The following ZNF862 variants were observed in gnomAD, a reference collection of about 807,000 sequenced individuals.
The protein encoded by ZNF862 is zinc finger protein 862.
Under a neutral mutation model 91.1 loss-of-function variants are expected in ZNF862, and 64 were observed. That is an observed-to-expected ratio of 0.70 (90% CI 0.57 to 0.87). The LOEUF is 0.87. Among genes scored for constraint, ZNF862 ranks in the 40% least tolerant of loss-of-function variants. The pLI is 0.00. For synonymous variants in ZNF862, 631 were observed against 618.1 expected (o/e 1.02, Z -0.31); for missense variants, 1,459 against 1,528.0 (o/e 0.95, Z 0.75).
At chr7:149,852,337 T>TTGTGTGTGTGTGTGTG (rs10674865) in intron 5 of ZNF862, among the ~76,000 whole-genome samples, 3 of 140,408 alleles carry the variant, frequency 2.1e-5, no homozygotes, top group African/African-American at 8.1e-5. Context: ...GAACTCAGTT[T>TTGTGTGTGTGTGTGTG]TGTGTGTGTG....
intron 1 of ZNF862, chr7:149,841,057 C>T: frequency 3.0e-6 from 3 of 985,364 alleles, no homozygotes; most frequent in Non-Finnish European, 3.6e-6. Flanking sequence ...TCACCCTTCC[C>T]AAAGATAGTT....
At chr7:149,847,362 C>T (rs1388777646) in intron 3 of ZNF862, among the ~76,000 whole-genome samples, 1 of 152,074 alleles carries the variant, frequency 6.6e-6, no homozygotes, top group Non-Finnish European at 1.5e-5. Context: ...TTTTTTAAAT[C>T]CTATATTCTA....
At position 149,838,591 on chromosome 7, in the gene ZNF862, C is replaced by T. The variant is rs773026458; in HGVS notation, c.-21C>T. 59 of 1,219,548 alleles carry T rather than the reference C, an allele frequency of 4.8e-5. No homozygotes were observed. The highest frequency in any genetic ancestry group is 2.1e-4 in the Admixed American group (5 of 23,694). 75.5% of individuals were successfully genotyped at this position (1,219,548 alleles called of 1,614,324 possible). On this transcript the variant is annotated 5_prime_UTR_variant, in exon 1 of 8. The change creates a new upstream start codon in the 5' untranslated region. Transcript: ENST00000223210. ...CAGGCCGCGGGGGGAGGGGGCGGCA[C>T]GGGCCTCCGAAAGCGGGGCCATGGA...
Position 149,843,947 on chromosome 7 carries a change from TC to T in ZNF862, c.25-677del, listed in dbSNP as rs1184794628. 1.4e-4 allele frequency among the ~76,000 whole-genome samples: 21 copies of T among 152,224 alleles called. 1 individual carries two copies. Among genetic ancestry groups the T allele is most frequent in the Non-Finnish European group, 4.4e-5 (3 of 68,040 alleles). On this transcript the variant is annotated intron_variant, in intron 1 of 7. Coordinates refer to ENST00000223210, the MANE Select transcript of ZNF862 (RefSeq NM_001099220.3). ...TGAAGTGACTGCTTTTGCATCTGCTTCTTGGTTTTCAAGAGTGTATTGCTGT... is the reference window on the plus strand; with the variant it reads ...TGAAGTGACTGCTTTTGCATCTGCTTTTGGTTTTCAAGAGTGTATTGCTGT...
chr7:149,859,571 C>T (rs749881581), intron 6 of ZNF862, 45 bp downstream of exon 6: 4 of 1,474,926 alleles, frequency 2.7e-6, no homozygotes, highest in Non-Finnish European at 3.7e-6. Context: ...TGCCAGGGCC[C>T]AGGCGGCTAT....
intron 1 of ZNF862, chr7:149,841,289 G>C: frequency 1.0e-6 from 1 of 985,326 alleles, no homozygotes; most frequent in Non-Finnish European, 1.2e-6. Context: ...CTGTTTTGTG[G>C]TCTTTATTAA....
rs1274874112 is a variant in ZNF862, at chr7:149,867,120, T to C, written c.*2836T>C. 1.3e-5 allele frequency: 2 copies of C among 152,158 alleles called. No homozygotes were observed. Among genetic ancestry groups the C allele is most frequent in the African/African-American group, 4.8e-5 (2 of 41,402 alleles). 9.4% of individuals were successfully genotyped at this position (152,158 alleles called of 1,614,324 possible). A position where few individuals can be genotyped will look rare whatever the true frequency, so the allele number is the denominator to read the frequency against. On this transcript the variant is annotated 3_prime_UTR_variant, in exon 8 of 8. Coordinates refer to ENST00000223210, the MANE Select transcript of ZNF862 (RefSeq NM_001099220.3). ...TCCCTGATGACTGATACCCACCGGG[T>C]CTGACATTCCAAGTAACCAGTATGT... is the stretch of plus-strand genomic sequence containing the variant.
At chr7:149,847,168 A>G (rs567738925) in intron 3 of ZNF862, among the ~76,000 whole-genome samples, 38 of 152,320 alleles carry the variant, frequency 2.5e-4, no homozygotes, top group Non-Finnish European at 4.9e-4. Flanking sequence ...TCGAAGGTTT[A>G]TGTTATAAGA....
chr7:149,862,982 G>A (rs1367691442), intron 7 of ZNF862, among the ~76,000 whole-genome samples: 3 of 152,216 alleles, frequency 2.0e-5, no homozygotes, highest in Admixed American at 6.5e-5. Context: ...ACTCTGGACC[G>A]TGCAGGAATT....
rs926953703 is a variant in ZNF862 at position 149,855,195 on chromosome 7, T to A, written c.1118-4227T>A. On this transcript the variant is annotated intron_variant, in intron 5 of 7. Transcript: ENST00000223210. The surrounding 1 kb of genome is among the most constrained non-coding windows in gnomAD (Gnocchi z 4.1). ...GAGCGTGCCTGTGAGCTCACAAGCA[T>A]GCTGGAACACATGGGGCAGAATGTC... Among the ~76,000 whole-genome samples, 1 of 152,240 alleles carries A rather than the reference T, an allele frequency of 6.6e-6. No individual in the cohort carries two copies. The highest frequency in any genetic ancestry group is 1.5e-5 in the Non-Finnish European group (1 of 68,040).
chr7:149,840,926 A>G, intron 1 of ZNF862: 1 of 985,352 alleles, frequency 1.0e-6, no homozygotes, highest in Non-Finnish European at 1.2e-6. Flanking sequence ...CTGTACAAAC[A>G]TTTTGGGAGG....
At chr7:149,863,668 G>C (rs1802602422) in intron 7 of ZNF862, among the ~76,000 whole-genome samples, 1 of 152,192 alleles carries the variant, frequency 6.6e-6, no homozygotes, top group African/African-American at 2.4e-5. Context: ...AGCACAGATT[G>C]GTCCAAACAC....
rs371553918 is a variant in ZNF862 at position 149,862,241 on chromosome 7, C to T, written c.3081C>T (p.Ala1027=). 1.8e-5 allele frequency: 29 copies of T among 1,613,640 alleles called. No individual in the cohort carries two copies. The highest frequency in any genetic ancestry group is 5.5e-5 in the South Asian group (5 of 91,086). ...CRFPLLSKLM[A]VVVCVPISTS... is the part of the protein sequence containing the mutation. ...TCCCCCTGCTAAGCAAGCTCATGGCCGTGGTGGTCTGTGTGCCCATCTCCA... is the reference window on the plus strand; with the variant it reads ...TCCCCCTGCTAAGCAAGCTCATGGCTGTGGTGGTCTGTGTGCCCATCTCCA... The change falls in exon 7 of 8, where the codon GCC becomes GCT. Residue 1027 remains alanine, a synonymous_variant. Transcript: ENST00000223210.
At position 149,847,753 on chromosome 7, in the gene ZNF862, A is replaced by C. The variant is rs1231510460; in HGVS notation, c.260A>C (p.Tyr87Ser). ...EHHPGKKQMG[Y>S]MGEMEVQGPT... The stretch of plus-strand genomic sequence containing the variant: ...TCTAAAGGAAAAAAACAGATGGGCT[A>C]CATGGGAGAAATGGAGGTGCAAGGT... The change falls in exon 4 of 8, where the codon TAC becomes TCC. Residue 87 changes from tyrosine to serine, a missense_variant. Tyr to Ser is a moderately radical substitution (Grantham distance 144, BLOSUM62 -2). Transcript: ENST00000223210. The C allele has an allele frequency of 6.2e-7, 1 of 1,613,010 alleles. No homozygotes were observed. Among genetic ancestry groups the C allele is most frequent in the South Asian group, 1.1e-5 (1 of 90,952 alleles).
chr7:149,847,140 A>G (rs956271165), intron 3 of ZNF862, among the ~76,000 whole-genome samples: 1 of 152,260 alleles, frequency 6.6e-6, no homozygotes, highest in African/African-American at 2.4e-5. Context: ...ATGTGAGGTC[A>G]TGAGAGTCCT....
Position 149,860,571 on chromosome 7 carries a change from G to C in ZNF862, c.1411G>C (p.Gly471Arg). The C allele has an allele frequency of 1.2e-6, 2 of 1,613,980 alleles. No individual in the cohort carries two copies. Among genetic ancestry groups the C allele is most frequent in the Non-Finnish European group, 1.7e-6 (2 of 1,179,890 alleles). ...CCGTTCCATTCAGAGGTCATGGTTT[G>C]GGCAGTTCCCATGGTTAGTAATTGA... Reference protein sequence around the residue: ...RPRSIQRSWFGQFPWLVIDPK... With the variant: ...RPRSIQRSWFRQFPWLVIDPK... Residue 471 changes from glycine to arginine, a missense_variant, in exon 7 of 8, where the codon GGG (glycine) becomes CGG (arginine). Physicochemically the swap from Gly to Arg is moderately radical, Grantham distance 125. Transcript: ENST00000223210.
intron 1 of ZNF862, among the ~76,000 whole-genome samples, chr7:149,844,378 A>G (rs928365559): frequency 1.3e-5 from 2 of 152,092 alleles, no homozygotes; most frequent in Non-Finnish European, 2.9e-5. Flanking sequence ...CAGGGAGGGG[A>G]CGGAGAAGCT....
At chr7:149,841,373 T>G (rs781194980) in intron 1 of ZNF862, 5 of 985,410 alleles carry the variant, frequency 5.1e-6, no homozygotes, top group Non-Finnish European at 6.0e-6. Flanking sequence ...ATTGACAGAA[T>G]AATGGATAAG....
Position 149,861,440 on chromosome 7 carries a change from A to C in ZNF862, c.2280A>C (p.Ser760=). 6.2e-7 allele frequency: 1 copy of C among 1,613,472 alleles called. No homozygotes were observed. Among genetic ancestry groups the C allele is most frequent in the East Asian group, 2.2e-5 (1 of 44,880 alleles). ...CCGTCTTCAAGTTTTATCAGTCCTC[A>C]AACAAGAGGCTGAACGAGCTGCAGG... ...IRTVFKFYQS[S]NKRLNELQEG... is the part of the protein sequence containing the mutation. Residue 760 remains serine (S), a synonymous_variant, in exon 7 of 8, where the codon TCA becomes TCC. Coordinates refer to ENST00000223210, the MANE Select transcript of ZNF862 (RefSeq NM_001099220.3). The surrounding 1 kb of genome is among the most constrained non-coding windows in gnomAD (Gnocchi z 6.7).
Sources: allele counts gnomAD v4.1 joint callset (sites outside exome capture counted in the v4.1 genomes callset), GRCh38; gene constraint gnomAD v4.1.1; non-coding constraint Gnocchi (gnomAD v3.1); transcripts MANE v1.5; gene names NCBI Gene and HGNC (gene_info 2026-07-23, HGNC 2026-07-21).